Variants in CAST observed in about 807,000 individuals in gnomAD.
The protein encoded by CAST is calpastatin, also known as MIR583 host.
A neutral mutation model predicts 119.6 loss-of-function variants in CAST; 76 were observed. The ratio of observed to expected loss-of-function variants is 0.64; its 90% CI spans 0.53 to 0.77. CAST has a LOEUF of 0.77. Among genes scored for constraint, CAST ranks in the 30% least tolerant of loss-of-function variants. The pLI, the probability that CAST is intolerant of heterozygous loss-of-function variation, is 0.00. For missense variants in CAST, 953 were observed against 946.5 expected, an observed-to-expected ratio of 1.01 and a Z score of -0.09; for synonymous variants, 319 against 331.6, an observed-to-expected ratio of 0.96 and a Z score of 0.41.
chr5:96,133,402 G>T, the CAST span, among the ~76,000 whole-genome samples: 3 of 152,100 alleles, frequency 2.0e-5, no homozygotes, highest in Non-Finnish European at 4.4e-5. Context: ...AATAATGGAA[G>T]GAGTGCTGGA....
At chr5:96,705,962 A>G (rs376989374) in intron 3 of CAST, among the ~76,000 whole-genome samples, 1 of 152,194 alleles carries the variant, frequency 6.6e-6, no homozygotes. Flanking sequence ...CTAAATTCGC[A>G]TTTTGCTACA....
chr5:96,607,335 C>G (rs1266604982), intron 1 of CAST, among the ~76,000 whole-genome samples: 1 of 152,156 alleles, frequency 6.6e-6, no homozygotes, highest in African/African-American at 2.4e-5. Flanking sequence ...ATAGTAAGTT[C>G]TCTCAGCAAT....
chr5:96,757,011 A>C (rs943761882), intron 22 of CAST, among the ~76,000 whole-genome samples: 1 of 152,250 alleles, frequency 6.6e-6, no homozygotes, highest in Non-Finnish European at 1.5e-5. Flanking sequence ...TAGTCCTTGC[A>C]TATGAGTTAG....
At chr5:96,444,230 A>G in the CAST span, among the ~76,000 whole-genome samples, 9 of 152,174 alleles carry the variant, frequency 5.9e-5, no homozygotes, top group Non-Finnish European at 1.0e-4. Flanking sequence ...ACTTCTCATC[A>G]AAAATAGGGG....
At chr5:96,763,195 G>GAT in intron 25 of CAST, 1 of 780,668 alleles carries the variant, frequency 1.3e-6, no homozygotes, top group Non-Finnish European at 2.4e-6. Flanking sequence ...GATTCTGATG[G>GAT]ATTTTCATCC....
the CAST span, among the ~76,000 whole-genome samples, chr5:96,490,350 G>GTGTT: frequency 1.1e-5 from 1 of 90,134 alleles, no homozygotes; most frequent in Non-Finnish European, 2.3e-5. Flanking sequence ...GTATATGTGT[G>GTGTT]TGTCTGTGTG....
At chr5:96,280,703 C>T in the CAST span, among the ~76,000 whole-genome samples, 42 of 152,148 alleles carry the variant, frequency 2.8e-4, no homozygotes, top group African/African-American at 9.4e-4. Flanking sequence ...GAACTATGAA[C>T]CACTTTACTA....
intron 1 of CAST, among the ~76,000 whole-genome samples, chr5:96,612,069 T>TTTACAATA (rs1747373001): frequency 1.3e-5 from 2 of 152,174 alleles, no homozygotes; most frequent in African/African-American, 4.8e-5. Flanking sequence ...CACTACAATT[T>TTTACAATA]GACCCAGGAA....
At chr5:96,397,431 T>A in the CAST span, 2 of 1,612,588 alleles carry the variant, frequency 1.2e-6, no homozygotes, top group Non-Finnish European at 1.7e-6. Context: ...TTAGGAGATG[T>A]ATCCCGTTCT....
chr5:96,345,606 G>A, the CAST span, among the ~76,000 whole-genome samples: 98 of 152,074 alleles, frequency 6.4e-4, no homozygotes, highest in Non-Finnish European at 1.3e-3. Flanking sequence ...TCCTTAGCTG[G>A]GTATCACTGG....
chr5:96,078,596 T>C, the CAST span, among the ~76,000 whole-genome samples: 1 of 152,128 alleles, frequency 6.6e-6, no homozygotes, highest in Non-Finnish European at 1.5e-5. Context: ...GGTTTCACCA[T>C]CTTGATCAAG....
intron 2 of CAST, among the ~76,000 whole-genome samples, chr5:96,684,077 C>G (rs1400015529): frequency 2.0e-5 from 3 of 152,120 alleles, no homozygotes; most frequent in Non-Finnish European, 4.4e-5. Context: ...GGGTCCAATG[C>G]CTGGATTTAA....
At chr5:96,177,728 T>A in the CAST span, among the ~76,000 whole-genome samples, 2 of 152,228 alleles carry the variant, frequency 1.3e-5, no homozygotes, top group African/African-American at 2.4e-5. Context: ...AACTGATTCA[T>A]CTGTTTATTT....
chr5:96,714,359 A>G (rs1382498126), intron 3 of CAST, among the ~76,000 whole-genome samples: 5 of 152,186 alleles, frequency 3.3e-5, no homozygotes, highest in African/African-American at 1.2e-4. Context: ...CCCTTCACTA[A>G]AGTATAGCAT....
At chr5:96,229,844 A>T in the CAST span, among the ~76,000 whole-genome samples, 1 of 152,264 alleles carries the variant, frequency 6.6e-6, no homozygotes. Flanking sequence ...TGTTTATTTG[A>T]TGAAGTTACT....
At chr5:96,056,682 G>A in the CAST span, among the ~76,000 whole-genome samples, 2 of 152,166 alleles carry the variant, frequency 1.3e-5, no homozygotes, top group South Asian at 2.1e-4. Context: ...CTAATGCTGA[G>A]ATGGGGAAAG....
chr5:96,062,450 AT>A, the CAST span, among the ~76,000 whole-genome samples: 1 of 152,126 alleles, frequency 6.6e-6, no homozygotes, highest in Non-Finnish European at 1.5e-5. Flanking sequence ...GAGTAGTGCC[AT>A]TTACCTTTTG....
At chr5:96,101,099 C>T in the CAST span, among the ~76,000 whole-genome samples, 1 of 152,180 alleles carries the variant, frequency 6.6e-6, no homozygotes, top group Admixed American at 6.6e-5. Context: ...TTTGTAGAGA[C>T]AGAGTCTTGC....
At chr5:96,246,565 C>G in the CAST span, among the ~76,000 whole-genome samples, 8 of 152,286 alleles carry the variant, frequency 5.3e-5, no homozygotes, top group Admixed American at 2.0e-4. Context: ...AAATAGCCCA[C>G]CTTTCTCACT....
Sources: allele counts gnomAD v4.1 joint callset (sites outside exome capture counted in the v4.1 genomes callset), GRCh38; gene constraint gnomAD v4.1.1; transcripts MANE v1.5; gene names NCBI Gene and HGNC (gene_info 2026-07-23, HGNC 2026-07-21).